Variants in KCNT2 observed in about 807,000 individuals in gnomAD.
KCNT2 encodes the protein potassium sodium-activated channel subfamily T member 2.
KCNT2 carries 67 observed loss-of-function variants against 153.8 expected under a neutral mutation model. The observed-to-expected ratio is 0.44, with a 90% CI of 0.36 to 0.53. The LOEUF (loss-of-function observed/expected upper bound fraction) is 0.53. Among genes scored for constraint, KCNT2 ranks in the 20% least tolerant of loss-of-function variants. The pLI is 0.00. For missense variants in KCNT2, 975 were observed against 1,354.8 expected (o/e 0.72, Z 4.40); for synonymous variants, 500 against 458.8 (o/e 1.09, Z -1.15).
At chr1:196,235,311 T>G (rs1003638491) in intron 27 of KCNT2, among the ~76,000 whole-genome samples, 5 of 151,340 alleles carry the variant, frequency 3.3e-5, no homozygotes, top group African/African-American at 1.2e-4. Context: ...CTAGTTTAAG[T>G]CTTACATTCT....
intron 1 of KCNT2, among the ~76,000 whole-genome samples, chr1:196,524,761 C>A (rs1055139684): frequency 2.6e-5 from 4 of 152,002 alleles, no homozygotes; most frequent in Admixed American, 6.6e-5. Flanking sequence ...GGGTTATCTA[C>A]CTATTGTAGT....
At chr1:196,280,430 C>T (rs1658986000) in intron 25 of KCNT2, among the ~76,000 whole-genome samples, 1 of 152,178 alleles carries the variant, frequency 6.6e-6, no homozygotes. Context: ...TGAATTTTAA[C>T]ACTTACTAAA....
chr1:196,461,177 A>G (rs1677117746), intron 8 of KCNT2, among the ~76,000 whole-genome samples: 2 of 151,848 alleles, frequency 1.3e-5, no homozygotes, highest in South Asian at 4.1e-4. Context: ...TTTAACCAGT[A>G]AATAGAGTTC....
At chr1:196,234,352 T>TA (rs1191407299) in intron 27 of KCNT2, among the ~76,000 whole-genome samples, 1 of 151,308 alleles carries the variant, frequency 6.6e-6, no homozygotes, top group Non-Finnish European at 1.5e-5. Flanking sequence ...ACATTTTTTT[T>TA]TTATTTTTGT....
At chr1:196,378,765 A>G (rs1197846463) in intron 13 of KCNT2, among the ~76,000 whole-genome samples, 1 of 148,050 alleles carries the variant, frequency 6.8e-6, no homozygotes, top group East Asian at 1.9e-4. Context: ...ATGTAATATA[A>G]TATCTACTAA....
intron 8 of KCNT2, among the ~76,000 whole-genome samples, chr1:196,437,280 AAAATATATAT>A (rs1428513102): frequency 1.3e-5 from 1 of 79,940 alleles, no homozygotes; most frequent in Non-Finnish European, 3.0e-5. Flanking sequence ...TTATATATAT[AAAATATATAT>A]AATATATATA....
At chr1:196,556,419 C>T (rs971293566) in intron 1 of KCNT2, among the ~76,000 whole-genome samples, 1 of 151,258 alleles carries the variant, frequency 6.6e-6, no homozygotes, top group Non-Finnish European at 1.5e-5. Context: ...ATTGATCATC[C>T]GAAAAATGCA....
chr1:196,549,686 A>C (rs944138922), intron 1 of KCNT2, among the ~76,000 whole-genome samples: 3 of 151,936 alleles, frequency 2.0e-5, no homozygotes, highest in Non-Finnish European at 4.4e-5. Flanking sequence ...CAAGTAACCA[A>C]GGTGATTCTT....
intron 1 of KCNT2, among the ~76,000 whole-genome samples, chr1:196,550,249 C>T (rs1038435404): frequency 6.6e-6 from 1 of 151,766 alleles, no homozygotes; most frequent in Non-Finnish European, 1.5e-5. Context: ...TGTATGTGCA[C>T]TTTCTCAGCA....
At chr1:196,251,468 G>C (rs1655965711) in intron 26 of KCNT2, among the ~76,000 whole-genome samples, 1 of 151,944 alleles carries the variant, frequency 6.6e-6, no homozygotes, top group African/African-American at 2.4e-5. Flanking sequence ...GATGGAACTG[G>C]AGGTCATTAT....
At chr1:196,350,430 T>C (rs1666567236) in intron 14 of KCNT2, among the ~76,000 whole-genome samples, 1 of 152,188 alleles carries the variant, frequency 6.6e-6, no homozygotes, top group Non-Finnish European at 1.5e-5. Flanking sequence ...CTCATTGTGG[T>C]TTTGATTTGC....
chr1:196,235,323 T>C (rs1037062509), intron 27 of KCNT2, among the ~76,000 whole-genome samples: 1 of 151,428 alleles, frequency 6.6e-6, no homozygotes, highest in Non-Finnish European at 1.5e-5. Flanking sequence ...TTACATTCTT[T>C]ATAATTTCTC....
At chr1:196,249,019 C>T (rs549341155) in intron 26 of KCNT2, among the ~76,000 whole-genome samples, 1 of 152,044 alleles carries the variant, frequency 6.6e-6, no homozygotes, top group South Asian at 2.1e-4. Flanking sequence ...GCAAATCAAT[C>T]AATCTTATCA....
At chr1:196,561,511 A>C (rs1249457959) in intron 1 of KCNT2, among the ~76,000 whole-genome samples, 1 of 151,626 alleles carries the variant, frequency 6.6e-6, no homozygotes, top group East Asian at 1.9e-4. Flanking sequence ...TAAGTTGTTG[A>C]TATTGTAAAC....
chr1:196,260,803 A>G (rs997186060), intron 25 of KCNT2, among the ~76,000 whole-genome samples: 1 of 151,814 alleles, frequency 6.6e-6, no homozygotes, highest in Non-Finnish European at 1.5e-5. Context: ...CCACAATAAA[A>G]CTGCATAGCC....
intron 8 of KCNT2, among the ~76,000 whole-genome samples, chr1:196,437,278 A>G (rs1211402628): frequency 2.5e-5 from 2 of 79,260 alleles, no homozygotes; most frequent in Admixed American, 1.7e-4. Context: ...TATTATATAT[A>G]TAAAATATAT....
At chr1:196,516,269 C>A (rs970650223) in intron 1 of KCNT2, among the ~76,000 whole-genome samples, 1 of 152,056 alleles carries the variant, frequency 6.6e-6, no homozygotes, top group Non-Finnish European at 1.5e-5. Context: ...TGTTTTATAA[C>A]CTTAATCATT....
chr1:196,434,813 C>A (rs1193591061), intron 8 of KCNT2, among the ~76,000 whole-genome samples: 9 of 151,578 alleles, frequency 5.9e-5, no homozygotes, highest in Non-Finnish European at 8.8e-5. Context: ...GCTCTTTTTT[C>A]TCATTTACTT....
At chr1:196,275,093 G>T (rs528715990) in intron 25 of KCNT2, among the ~76,000 whole-genome samples, 1 of 151,758 alleles carries the variant, frequency 6.6e-6, no homozygotes, top group African/African-American at 2.4e-5. Context: ...GAAAATTAAG[G>T]TGACATTTTG....
Sources: gnomAD v4.1 joint callset for allele counts (sites outside exome capture counted in the v4.1 genomes callset) on GRCh38, gnomAD v4.1.1 for gene constraint, MANE v1.5 for transcripts, NCBI Gene and HGNC (gene_info 2026-07-23, HGNC 2026-07-21) for gene names.